The following EXOC4 variants were observed in gnomAD, a reference collection of about 807,000 sequenced individuals.
The protein encoded by EXOC4 is SEC8-like 1.
In EXOC4, 71 loss-of-function variants were observed where a neutral mutation model predicts 107.2. The ratio of observed to expected loss-of-function variants is 0.66; its 90% CI spans 0.55 to 0.81. EXOC4 has a LOEUF of 0.81. Among genes scored for constraint, EXOC4 ranks in the 30% least tolerant of loss-of-function variants. The pLI, the probability that EXOC4 is intolerant of heterozygous loss-of-function variation, is 0.00. For missense variants in EXOC4, 1,108 were observed against 1,189.6 expected, an observed-to-expected ratio of 0.93 and a Z score of 1.01; for synonymous variants, 456 against 441.2, an observed-to-expected ratio of 1.03 and a Z score of -0.42.
chr7:134,043,007 C>T (rs566498563), intron 17 of EXOC4, among the ~76,000 whole-genome samples: 308 of 152,312 alleles, frequency 2.0e-3, no homozygotes, highest in African/African-American at 7.1e-3. Context: ...TGCCACTACA[C>T]TCCAGCCTGG....
intron 13 of EXOC4, among the ~76,000 whole-genome samples, chr7:133,919,562 G>A (rs1193518780): frequency 6.6e-6 from 1 of 151,968 alleles, no homozygotes; most frequent in African/African-American, 2.4e-5. Context: ...CTGAACCCCT[G>A]GCAACCACTG....
intron 10 of EXOC4, among the ~76,000 whole-genome samples, chr7:133,632,571 G>T (rs1249134191): frequency 2.0e-5 from 3 of 152,108 alleles, no homozygotes; most frequent in African/African-American, 7.2e-5. Flanking sequence ...AGCATTTCCT[G>T]AGTGTTGGAT....
chr7:133,475,372 C>T lies in EXOC4; in HGVS notation c.1227C>T (p.Ala409=), dbSNP rs2150849167. The change falls in exon 8 of 18, where the codon GCC becomes GCT. Residue 409 remains alanine, a synonymous_variant. Transcript: ENST00000253861. ...TGGATATGAAAAATACTCGTACGGC[C>T]TCTGAACCATCAGCTCAACTAAGCT... is the stretch of plus-strand genomic sequence containing the variant. ...EYLDMKNTRT[A]SEPSAQLSYA... is the part of the protein sequence containing the mutation. The T allele has an allele frequency of 1.2e-6, 2 of 1,613,842 alleles. No homozygotes were observed. Among genetic ancestry groups the T allele is most frequent in the Non-Finnish European group, 1.7e-6 (2 of 1,179,760 alleles).
At chr7:134,093,496 A>G in the EXOC4 span, among the ~76,000 whole-genome samples, 1 of 152,176 alleles carries the variant, frequency 6.6e-6, no homozygotes, top group Admixed American at 6.5e-5. Context: ...ACAACCCACT[A>G]ACAGCATTAC....
chr7:133,911,394 A>T (rs1799691359), intron 12 of EXOC4, among the ~76,000 whole-genome samples: 1 of 152,182 alleles, frequency 6.6e-6, no homozygotes, highest in Admixed American at 6.5e-5. Context: ...GTAATTGTTT[A>T]TTGCTGATCA....
intron 10 of EXOC4, among the ~76,000 whole-genome samples, chr7:133,699,366 C>T (rs2151085425): frequency 6.6e-6 from 1 of 152,086 alleles, no homozygotes; most frequent in South Asian, 2.1e-4. Flanking sequence ...ACAGAAAGAC[C>T]AACTCGCCAA....
At chr7:133,946,496 AAAGCAC>A (rs1178865865) in intron 14 of EXOC4, among the ~76,000 whole-genome samples, 1 of 152,236 alleles carries the variant, frequency 6.6e-6, no homozygotes, top group African/African-American at 2.4e-5. Flanking sequence ...TGTAGGAACA[AAAGCAC>A]CAACTGATAA....
intron 11 of EXOC4, among the ~76,000 whole-genome samples, chr7:133,866,085 CTA>C (rs571602842): frequency 3.9e-5 from 6 of 152,168 alleles, no homozygotes; most frequent in Non-Finnish European, 8.8e-5. Flanking sequence ...TGATGGGAAA[CTA>C]TTAATAACTA....
At chr7:133,883,061 C>T (rs1238060392) in intron 11 of EXOC4, among the ~76,000 whole-genome samples, 1 of 152,186 alleles carries the variant, frequency 6.6e-6, no homozygotes, top group African/African-American at 2.4e-5. Context: ...TCAATACCCT[C>T]TCTAAGGGTA....
At chr7:133,695,666 C>A (rs1794517950) in intron 10 of EXOC4, among the ~76,000 whole-genome samples, 1 of 152,008 alleles carries the variant, frequency 6.6e-6, no homozygotes, top group African/African-American at 2.4e-5. Flanking sequence ...GGGGTAAAAC[C>A]AAACCATCAT....
At chr7:133,755,792 T>C (rs930578225) in intron 10 of EXOC4, among the ~76,000 whole-genome samples, 3 of 152,174 alleles carry the variant, frequency 2.0e-5, no homozygotes, top group African/African-American at 7.2e-5. Context: ...CCTGAGCCTC[T>C]TAAACCATTT....
chr7:133,526,622 A>G (rs995686535), intron 9 of EXOC4, among the ~76,000 whole-genome samples: 12 of 152,204 alleles, frequency 7.9e-5, no homozygotes, highest in Admixed American at 2.6e-4. Context: ...TGGGCCCAGT[A>G]GAGAGAATCA....
At chr7:133,977,691 GT>G (rs1261448529) in intron 14 of EXOC4, among the ~76,000 whole-genome samples, 7 of 151,570 alleles carry the variant, frequency 4.6e-5, no homozygotes, top group African/African-American at 1.7e-4. Context: ...TGGTTTATTT[GT>G]TTGTTTTTGT....
intron 10 of EXOC4, among the ~76,000 whole-genome samples, chr7:133,810,707 A>G (rs2151206615): frequency 6.6e-6 from 1 of 151,780 alleles, no homozygotes; most frequent in South Asian, 2.1e-4. Context: ...ATCTTGGCTC[A>G]CTGCAACCTC....
At chr7:133,617,536 A>G (rs185884742) in intron 9 of EXOC4, among the ~76,000 whole-genome samples, 3 of 152,338 alleles carry the variant, frequency 2.0e-5, no homozygotes, top group Admixed American at 1.3e-4. Flanking sequence ...GCCAGTTTTC[A>G]CCCTAAGGGT....
intron 10 of EXOC4, among the ~76,000 whole-genome samples, chr7:133,639,453 G>A (rs986120153): frequency 2.6e-5 from 4 of 151,962 alleles, no homozygotes; most frequent in Admixed American, 6.6e-5. Flanking sequence ...TCATTTCATG[G>A]TCATGAAATC....
chr7:133,695,716 A>G (rs1042394995), intron 10 of EXOC4, among the ~76,000 whole-genome samples: 6 of 152,212 alleles, frequency 3.9e-5, no homozygotes, highest in African/African-American at 1.2e-4. Flanking sequence ...TTGCAGTGAT[A>G]TAGAGATAGC....
chr7:133,414,933 G>T (rs780551641), intron 7 of EXOC4, among the ~76,000 whole-genome samples: 1 of 151,932 alleles, frequency 6.6e-6, no homozygotes. Context: ...ACCCCCAACC[G>T]CTGCCAGCCT....
At chr7:133,333,432 C>T (rs1271425347) in intron 5 of EXOC4, among the ~76,000 whole-genome samples, 2 of 151,878 alleles carry the variant, frequency 1.3e-5, no homozygotes, top group Non-Finnish European at 2.9e-5. Flanking sequence ...CTAAGGAGAT[C>T]TGGTTTTTTT....
Sources: gnomAD v4.1 joint callset for allele counts (sites outside exome capture counted in the v4.1 genomes callset) on GRCh38, gnomAD v4.1.1 for gene constraint, MANE v1.5 for transcripts, NCBI Gene and HGNC (gene_info 2026-07-23, HGNC 2026-07-21) for gene names.